The following STK33 variants were observed in gnomAD, a reference collection of about 807,000 sequenced individuals.
The protein encoded by STK33 is serine/threonine kinase 33, also known as serine/threonine-protein kinase 33.
STK33 carries 52 observed loss-of-function variants against 58.0 expected under a neutral mutation model. The ratio of observed to expected loss-of-function variants is 0.90; its 90% CI spans 0.72 to 1.13. The LOEUF is 1.13. STK33 is among the 50% of genes most tolerant of loss of function. The probability of loss-of-function intolerance (pLI) is 0.00; values close to 1 mark genes in which losing one functional copy is unlikely to be tolerated. For missense variants in STK33, 630 were observed against 604.2 expected, an observed-to-expected ratio of 1.04 and a Z score of -0.45; for synonymous variants, 215 against 200.1, an observed-to-expected ratio of 1.07 and a Z score of -0.63.
At chr11:8,431,128 G>A (rs372020776) in intron 14 of STK33, among the ~76,000 whole-genome samples, 2 of 152,110 alleles carry the variant, frequency 1.3e-5, no homozygotes, top group South Asian at 4.1e-4. Flanking sequence ...GCCTCCCAAA[G>A]TGCTGGGATT....
chr11:8,353,896 T>C, the STK33 span, among the ~76,000 whole-genome samples: 1 of 152,196 alleles, frequency 6.6e-6, no homozygotes, highest in African/African-American at 2.4e-5. Flanking sequence ...AGCAGTGGCA[T>C]TCCCAGGGTG....
At chr11:8,455,866 T>C (rs528416654) in intron 9 of STK33, among the ~76,000 whole-genome samples, 2 of 149,176 alleles carry the variant, frequency 1.3e-5, no homozygotes, top group Admixed American at 6.7e-5. Context: ...GAGGAATGCA[T>C]TGAATGAGTC....
At chr11:8,460,813 A>C (rs912350837) in intron 8 of STK33, among the ~76,000 whole-genome samples, 2 of 152,216 alleles carry the variant, frequency 1.3e-5, no homozygotes, top group Admixed American at 1.3e-4. Flanking sequence ...TCTAAGACTG[A>C]AAAGGGCAGA....
At chr11:8,464,307 A>G (rs1947908416) in intron 7 of STK33, among the ~76,000 whole-genome samples, 1 of 152,216 alleles carries the variant, frequency 6.6e-6, no homozygotes, top group African/African-American at 2.4e-5. Context: ...GCGAACAGTG[A>G]GGAAATGAAA....
intron 1 of STK33, among the ~76,000 whole-genome samples, chr11:8,516,861 C>T (rs1050406971): frequency 6.6e-6 from 1 of 152,158 alleles, no homozygotes; most frequent in Non-Finnish European, 1.5e-5. Context: ...GAGCCCACCA[C>T]AGCTCAAGGA....
intron 1 of STK33, chr11:8,567,326 C>T (rs541232024): frequency 1.8e-4 from 28 of 152,216 alleles, no homozygotes; most frequent in African/African-American, 6.3e-4. Flanking sequence ...TTACCTACCA[C>T]ATGGGGTTAT....
intron 14 of STK33, among the ~76,000 whole-genome samples, chr11:8,420,658 T>C (rs894039903): frequency 6.6e-6 from 1 of 152,228 alleles, no homozygotes; most frequent in African/African-American, 2.4e-5. Flanking sequence ...AACATTCCCT[T>C]GCTTTTGTTT....
chr11:8,353,108 GAC>G, the STK33 span, among the ~76,000 whole-genome samples: 1 of 152,222 alleles, frequency 6.6e-6, no homozygotes, highest in African/African-American at 2.4e-5. Flanking sequence ...GGGCCTGGAG[GAC>G]ACAGAGAAAC....
At chr11:8,581,362 A>T (rs1354606836) in intron 1 of STK33, among the ~76,000 whole-genome samples, 1 of 152,156 alleles carries the variant, frequency 6.6e-6, no homozygotes, top group Non-Finnish European at 1.5e-5. Flanking sequence ...TATAAAAAAA[A>T]TAGCCAGGCA....
At chr11:8,585,369 C>T (rs993305378) in intron 1 of STK33, among the ~76,000 whole-genome samples, 5 of 150,874 alleles carry the variant, frequency 3.3e-5, no homozygotes, top group Admixed American at 6.6e-5. Flanking sequence ...GGACTACAGG[C>T]GCCCACTACT....
intron 1 of STK33, among the ~76,000 whole-genome samples, chr11:8,589,157 C>T (rs1313106415): frequency 6.6e-6 from 1 of 152,112 alleles, no homozygotes; most frequent in Non-Finnish European, 1.5e-5. Flanking sequence ...AGCAATTCCA[C>T]TCCTAGAGAA....
intron 1 of STK33, among the ~76,000 whole-genome samples, chr11:8,493,585 T>C (rs750542159): frequency 6.6e-6 from 1 of 152,178 alleles, no homozygotes; most frequent in Non-Finnish European, 1.5e-5. Flanking sequence ...AAATCCTCCC[T>C]AACTCATTTT....
At chr11:8,395,015 A>G (rs931916851) in intron 15 of STK33, among the ~76,000 whole-genome samples, 2 of 152,212 alleles carry the variant, frequency 1.3e-5, no homozygotes, top group Non-Finnish European at 2.9e-5. Flanking sequence ...GTACAATTTC[A>G]GAGAGATTTT....
intron 9 of STK33, among the ~76,000 whole-genome samples, chr11:8,456,589 A>G (rs934689265): frequency 2.6e-5 from 4 of 152,228 alleles, no homozygotes; most frequent in African/African-American, 4.8e-5. Flanking sequence ...TCTCTGGAAC[A>G]AAGTTTTTGT....
Position 8,474,911 on chromosome 11 carries a change from T to C in STK33, c.-6A>G, listed in dbSNP as rs1382492052. On this transcript the variant is annotated 5_prime_UTR_variant, in exon 5 of 16. Coordinates refer to ENST00000687296, the MANE Select transcript of STK33 (RefSeq NM_001352389.2). ...TCTAAGCCACTATCAGCCATTTGTT[T>C]AACTCTGCAACAAAAGCAACTTTAA... 6.4e-7 allele frequency: 1 copy of C among 1,565,820 alleles called. No individual in the cohort carries two copies. Among genetic ancestry groups the C allele is most frequent in the Admixed American group, 2.0e-5 (1 of 49,764 alleles).
intron 1 of STK33, among the ~76,000 whole-genome samples, chr11:8,513,078 G>A (rs938400007): frequency 1.3e-5 from 2 of 152,122 alleles, no homozygotes; most frequent in African/African-American, 4.8e-5. Context: ...GCACTCTTAT[G>A]AATAATGATG....
At chr11:8,427,568 G>A (rs1942924827) in intron 14 of STK33, among the ~76,000 whole-genome samples, 1 of 151,674 alleles carries the variant, frequency 6.6e-6, no homozygotes, top group African/African-American at 2.4e-5. Flanking sequence ...TTTGTAATCT[G>A]AGACTCCTAT....
At chr11:8,356,614 TA>T in the STK33 span, among the ~76,000 whole-genome samples, 2 of 152,062 alleles carry the variant, frequency 1.3e-5, no homozygotes, top group Non-Finnish European at 2.9e-5. Context: ...GCAGTTCCTA[TA>T]AAGGATCAAC....
At chr11:8,513,665 G>A (rs570971343) in intron 1 of STK33, among the ~76,000 whole-genome samples, 1 of 151,908 alleles carries the variant, frequency 6.6e-6, no homozygotes, top group African/African-American at 2.4e-5. Context: ...TTCAATCACG[G>A]TAACTTTTTT....
Sources: allele counts gnomAD v4.1 joint callset (sites outside exome capture counted in the v4.1 genomes callset), GRCh38; gene constraint gnomAD v4.1.1; transcripts MANE v1.5; gene names NCBI Gene and HGNC (gene_info 2026-07-23, HGNC 2026-07-21).